ACSBG1: variants seen among roughly 807,000 people sequenced by gnomAD.
ACSBG1 encodes acyl-CoA synthetase bubblegum family member 1.
ACSBG1 carries 39 observed loss-of-function variants against 80.2 expected under a neutral mutation model. That is an observed-to-expected ratio of 0.49 (90% CI 0.38 to 0.64). The LOEUF (loss-of-function observed/expected upper bound fraction) is 0.64, where lower values mean the gene tolerates loss of function less well. Among genes scored for constraint, ACSBG1 ranks in the 30% least tolerant of loss-of-function variants. The pLI, the probability that ACSBG1 is intolerant of heterozygous loss-of-function variation, is 0.00. For synonymous variants in ACSBG1, 392 were observed against 379.5 expected (o/e 1.03, Z -0.38); for missense variants, 828 against 966.4 (o/e 0.86, Z 1.90).
At chr15:78,193,818 G>A in intron 4 of ACSBG1, 114 bp downstream of exon 4, 7 of 1,449,208 alleles carry the variant, frequency 4.8e-6, no homozygotes, top group Non-Finnish European at 5.7e-6. Context: ...GCCCCAGGGA[G>A]GAGGCAGGAT....
chr15:78,182,290 C>A, intron 7 of ACSBG1, 145 bp from the exon 8 acceptor site: 1 of 1,319,528 alleles, frequency 7.6e-7, no homozygotes, highest in Admixed American at 2.6e-5. Flanking sequence ...ACAGGCCTCC[C>A]CTCCCCCTTG....
intron 1 of ACSBG1, among the ~76,000 whole-genome samples, chr15:78,225,430 AATAAAAAT>A (rs1474226868): frequency 6.6e-6 from 1 of 150,810 alleles, no homozygotes; most frequent in African/African-American, 2.4e-5. Flanking sequence ...TAAATAAATA[AATAAAAAT>A]AAATTAAAAA....
chr15:78,203,321 G>A (rs1158443047), intron 2 of ACSBG1, among the ~76,000 whole-genome samples: 1 of 152,166 alleles, frequency 6.6e-6, no homozygotes, highest in African/African-American at 2.4e-5. Flanking sequence ...GCCCAGCAAG[G>A]CACCCAGATC....
intron 1 of ACSBG1, among the ~76,000 whole-genome samples, chr15:78,231,092 C>T (rs1005605400): frequency 6.6e-6 from 1 of 152,104 alleles, no homozygotes; most frequent in Non-Finnish European, 1.5e-5. Flanking sequence ...TAGCTGGGAC[C>T]ACAGGTATGT....
intron 5 of ACSBG1, among the ~76,000 whole-genome samples, chr15:78,192,407 G>A (rs541343969): frequency 3.3e-5 from 5 of 152,248 alleles, no homozygotes; most frequent in Admixed American, 1.3e-4. Context: ...GCCTTTGTAC[G>A]TCTATCCAGG....
chr15:78,187,545 A>G (rs1230163190), intron 5 of ACSBG1, among the ~76,000 whole-genome samples: 1 of 152,256 alleles, frequency 6.6e-6, no homozygotes, highest in Non-Finnish European at 1.5e-5. Context: ...AATGTAATCC[A>G]GCATATAAAC....
intron 5 of ACSBG1, among the ~76,000 whole-genome samples, chr15:78,190,650 C>A (rs1283875420): frequency 2.0e-5 from 3 of 151,746 alleles, no homozygotes; most frequent in Non-Finnish European, 2.9e-5. Context: ...GGGTTTATAA[C>A]CTCTATAGAA....
chr15:78,223,032 G>A (rs1276983521), intron 1 of ACSBG1, among the ~76,000 whole-genome samples: 3 of 152,162 alleles, frequency 2.0e-5, no homozygotes, highest in African/African-American at 7.2e-5. Context: ...ATCTGGGCTG[G>A]CCTTAGGACT....
chr15:78,189,919 A>C (rs1451590064), intron 5 of ACSBG1, among the ~76,000 whole-genome samples: 1 of 152,106 alleles, frequency 6.6e-6, no homozygotes, highest in Non-Finnish European at 1.5e-5. Flanking sequence ...GGGATGTTGA[A>C]TATAAAAGAA....
chr15:78,171,630 A>G, intron 13 of ACSBG1, 101 bp from the exon 14 acceptor site: 1 of 951,960 alleles, frequency 1.1e-6, no homozygotes, highest in South Asian at 1.4e-5. Flanking sequence ...TAACTCAGGA[A>G]TTAAGCCAGA....
rs2074835634 is a variant in ACSBG1 at position 78,172,472 on chromosome 15, C to G, written c.2090-943G>C. 6.6e-6 allele frequency among the ~76,000 whole-genome samples: 1 copy of G among 152,132 alleles called. No individual in the cohort carries two copies. On this transcript the variant is annotated intron_variant, in intron 13 of 13. Transcript: ENST00000258873. This position sits in a 1 kb window ranked among gnomAD's most constrained non-coding sequence, Gnocchi z 4.1. ...CTTTTCTTAACCTTGATTTATCCCC[C>G]AAAAGCAAGTTTGAAAGAGCTCTGA...
At chr15:78,194,960 G>A (rs1032002569) in intron 2 of ACSBG1, among the ~76,000 whole-genome samples, 3 of 152,244 alleles carry the variant, frequency 2.0e-5, no homozygotes, top group Non-Finnish European at 4.4e-5. Context: ...CAAGGAAGAG[G>A]AGAGGAAATA....
rs1456849630 is a variant in ACSBG1, at chr15:78,168,181, A to C, written c.*3263T>G. 6.6e-6 allele frequency: 1 copy of C among 151,964 alleles called. No homozygotes were observed. The highest frequency in any genetic ancestry group is 2.4e-5 in the African/African-American group (1 of 41,360). 9.4% of individuals were successfully genotyped at this position (151,964 alleles called of 1,614,324 possible). On this transcript the variant is annotated 3_prime_UTR_variant, in exon 14 of 14. Transcript: ENST00000258873. ...GTGGTGCATGCCTGTAGTTGCAGCTATAGGCTGAGGCAGGAGGATCACCTT... is the reference window on the plus strand; with the variant it reads ...GTGGTGCATGCCTGTAGTTGCAGCTCTAGGCTGAGGCAGGAGGATCACCTT...
In ACSBG1 at chr15:78,178,081, T is replaced by C. The variant is rs1039174772; in HGVS notation, c.1702+533A>G. Among the ~76,000 whole-genome samples the C allele has an allele frequency of 2.8e-4, 43 of 152,182 alleles. No homozygotes were observed. Among genetic ancestry groups the C allele is most frequent in the African/African-American group, 9.7e-4 (40 of 41,444 alleles). Reference sequence around the variant, plus strand: ...CTGCCATTTACTAGCTGGGTGACCTTAGGCAAGTTACTTAACCTCTCTGGA... The same window carrying C: ...CTGCCATTTACTAGCTGGGTGACCTCAGGCAAGTTACTTAACCTCTCTGGA... On this transcript the variant is annotated intron_variant, in intron 11 of 13. Transcript: ENST00000258873. The surrounding 1 kb of genome is among the most constrained non-coding windows in gnomAD (Gnocchi z 4.3).
At chr15:78,208,448 C>T (rs2075236577) in intron 1 of ACSBG1, among the ~76,000 whole-genome samples, 1 of 152,200 alleles carries the variant, frequency 6.6e-6, no homozygotes, top group Non-Finnish European at 1.5e-5. Flanking sequence ...GAGGACGGGG[C>T]TAAGGTCCGC....
At chr15:78,230,867 C>A (rs865810174) in intron 1 of ACSBG1, among the ~76,000 whole-genome samples, 1 of 152,188 alleles carries the variant, frequency 6.6e-6, no homozygotes, top group South Asian at 2.1e-4. Flanking sequence ...TTATCAGCAG[C>A]GGGAAAACAG....
intron 4 of ACSBG1, 133 bp downstream of exon 4, chr15:78,193,799 C>A (rs996549909): frequency 2.1e-6 from 3 of 1,426,650 alleles, no homozygotes; most frequent in Non-Finnish European, 1.9e-6. Context: ...GATGCAGGTC[C>A]ACCAGAAGGC....
chr15:78,183,302 T>C (rs2074968166), intron 5 of ACSBG1, among the ~76,000 whole-genome samples: 1 of 152,154 alleles, frequency 6.6e-6, no homozygotes, highest in African/African-American at 2.4e-5. Flanking sequence ...AGAGGCCGGG[T>C]GTGGTGGCTC....
rs531397571 is a variant in ACSBG1 at position 78,181,039 on chromosome 15, C to T, written c.1072-103G>A. 1.5e-5 allele frequency: 20 copies of T among 1,355,456 alleles called. 1 individual carries two copies. Among genetic ancestry groups the T allele is most frequent in the East Asian group, 7.3e-5 (3 of 41,194 alleles). 84.0% of individuals were successfully genotyped at this position (1,355,456 alleles called of 1,614,324 possible). ...TGCCGGTGGCACACACATGCTCCAA[C>T]GGGCACCCACACACACCTGCACGCA... On this transcript the variant is annotated intron_variant, in intron 8 of 13. Coordinates refer to ENST00000258873, the MANE Select transcript of ACSBG1 (RefSeq NM_015162.5).
Sources: gnomAD v4.1 joint callset for allele counts (sites outside exome capture counted in the v4.1 genomes callset) on GRCh38, gnomAD v4.1.1 for gene constraint, Gnocchi (gnomAD v3.1) non-coding constraint, MANE v1.5 for transcripts, NCBI Gene and HGNC (gene_info 2026-07-23, HGNC 2026-07-21) for gene names.